DNAJC13: variants seen among roughly 807,000 people sequenced by gnomAD.
DNAJC13 encodes dnaJ homolog subfamily C member 13.
In DNAJC13, 75 loss-of-function variants were observed where a neutral mutation model predicts 290.5. The observed-to-expected ratio is 0.26, with a 90% CI of 0.21 to 0.31. The LOEUF (loss-of-function observed/expected upper bound fraction) is 0.31, where lower values mean the gene tolerates loss of function less well. DNAJC13 is among the 10% of genes least tolerant of loss of function. The pLI is 1.00. For synonymous variants in DNAJC13, 862 were observed against 892.0 expected (o/e 0.97, Z 0.60); for missense variants, 2,260 against 2,674.5 (o/e 0.85, Z 3.42).
intron 13 of DNAJC13, among the ~76,000 whole-genome samples, chr3:132,459,313 T>C (rs1406254106): frequency 6.6e-6 from 1 of 152,190 alleles, no homozygotes. Context: ...CTTGAGAACA[T>C]GATGCTAGTG....
Position 132,539,006 on chromosome 3 carries a change from AGGG to A in DNAJC13, c.*725_*727del, listed in dbSNP as rs1420496524. ...TGTGTACATAAAATTTTAAAAATAA[AGGG>A]AATTGACTGCTTTGTTAATGAGATA... On this transcript the variant is annotated 3_prime_UTR_variant, in exon 56 of 56. Transcript: ENST00000260818. 6.6e-6 allele frequency: 1 copy of A among 152,648 alleles called. No individual in the cohort carries two copies. Among genetic ancestry groups the A allele is most frequent in the African/African-American group, 2.4e-5 (1 of 41,474 alleles). 9.5% of individuals were successfully genotyped at this position (152,648 alleles called of 1,614,324 possible).
In DNAJC13 at chr3:132,502,619, C is replaced by T. The variant is rs1935455623; in HGVS notation, c.4716+151C>T. The T allele has an allele frequency of 7.6e-6, 5 of 659,962 alleles. No homozygotes were observed. In the South Asian group the frequency reaches 1.5e-4, roughly 19 times the overall value. 40.9% of individuals were successfully genotyped at this position (659,962 alleles called of 1,614,324 possible). ...TTTGCTTTTTAAACCTAATCACTTACTTACAAAACTTTTAGTTGTAATTGC... is the reference window on the plus strand; with the variant it reads ...TTTGCTTTTTAAACCTAATCACTTATTTACAAAACTTTTAGTTGTAATTGC... On this transcript the variant is annotated intron_variant, in intron 40 of 55. Transcript: ENST00000260818.
At chr3:132,470,516 G>C (rs1384025690) in intron 20 of DNAJC13, among the ~76,000 whole-genome samples, 56 of 125,666 alleles carry the variant, frequency 4.5e-4, no homozygotes, top group African/African-American at 9.6e-4. Flanking sequence ...CCTCCCAGAC[G>C]GGGTGGTGGC....
At chr3:132,463,873 C>G (rs898958599) in intron 17 of DNAJC13, 56 bp downstream of exon 17, 5 of 1,557,196 alleles carry the variant, frequency 3.2e-6, no homozygotes, top group African/African-American at 1.4e-5. Flanking sequence ...AGAATTGATT[C>G]AGATGTTACA....
At chr3:132,523,827 A>C (rs1256901001) in intron 51 of DNAJC13, 114 bp downstream of exon 51, 4 of 1,029,800 alleles carry the variant, frequency 3.9e-6, no homozygotes, top group Non-Finnish European at 5.5e-6. Flanking sequence ...CAGCTCTTTC[A>C]ATATAGCAGC....
intron 51 of DNAJC13, among the ~76,000 whole-genome samples, chr3:132,524,587 G>C (rs575816313): frequency 6.6e-6 from 1 of 152,350 alleles, no homozygotes; most frequent in East Asian, 1.9e-4. Flanking sequence ...ACTATCATTA[G>C]CTTAGTAAAA....
intron 32 of DNAJC13, 86 bp from the exon 33 acceptor site, chr3:132,492,328 G>C: frequency 7.5e-7 from 1 of 1,326,728 alleles, no homozygotes. Context: ...GATGATTCAT[G>C]TAACTATCTT....
At chr3:132,442,516 T>A (rs979247078) in intron 2 of DNAJC13, among the ~76,000 whole-genome samples, 6 of 152,234 alleles carry the variant, frequency 3.9e-5, no homozygotes, top group Non-Finnish European at 7.3e-5. Flanking sequence ...GTTCAGATGA[T>A]CTTATCTCCA....
intron 21 of DNAJC13, 66 bp downstream of exon 21, chr3:132,473,293 C>T (rs1934351707): frequency 4.7e-6 from 5 of 1,069,036 alleles, no homozygotes; most frequent in South Asian, 1.4e-5. Context: ...CATCATGACA[C>T]GTTCTTCTTC....
chr3:132,418,041 T>G (rs1938845585), intron 1 of DNAJC13, among the ~76,000 whole-genome samples: 1 of 152,108 alleles, frequency 6.6e-6, no homozygotes, highest in Non-Finnish European at 1.5e-5. Context: ...CCACTCGCCT[T>G]AACATATCCT....
At chr3:132,438,196 C>A (rs1380443293) in intron 2 of DNAJC13, among the ~76,000 whole-genome samples, 1 of 151,918 alleles carries the variant, frequency 6.6e-6, no homozygotes, top group Admixed American at 6.6e-5. Context: ...TTTAAAATTT[C>A]TTTCAACAGT....
At chr3:132,511,891 T>C (rs938686574) in intron 44 of DNAJC13, among the ~76,000 whole-genome samples, 2 of 152,146 alleles carry the variant, frequency 1.3e-5, no homozygotes, top group Non-Finnish European at 2.9e-5. Flanking sequence ...ACATTGAACA[T>C]TACCTTTCAA....
Position 132,538,396 on chromosome 3 carries a change from T to C in DNAJC13, c.*114T>C, listed in dbSNP as rs1936663415. Reference sequence around the variant, plus strand: ...TTCTCCTGGTTTCATGACAGTGTTATTCCTTTTTCTATAAATATATTTTTA... The same window carrying C: ...TTCTCCTGGTTTCATGACAGTGTTACTCCTTTTTCTATAAATATATTTTTA... On this transcript the variant is annotated 3_prime_UTR_variant, in exon 56 of 56. Coordinates refer to ENST00000260818, the MANE Select transcript of DNAJC13 (RefSeq NM_015268.4). The C allele has an allele frequency of 2.8e-6, 2 of 703,934 alleles. No homozygotes were observed. The highest frequency in any genetic ancestry group is 2.1e-5 in the South Asian group (1 of 46,596). The allele number at this position is 703,934 out of a possible 1,614,324, so 43.6% of individuals were successfully genotyped here.
At chr3:132,536,124 A>G (rs574351349) in intron 55 of DNAJC13, among the ~76,000 whole-genome samples, 83 of 152,314 alleles carry the variant, frequency 5.4e-4, no homozygotes, top group Non-Finnish European at 1.0e-3. Flanking sequence ...AGAAATACCT[A>G]ATAATTTAGT....
intron 20 of DNAJC13, among the ~76,000 whole-genome samples, chr3:132,468,023 T>G (rs1259134349): frequency 2.6e-5 from 4 of 152,232 alleles, no homozygotes; most frequent in African/African-American, 9.6e-5. Context: ...GACAAGTGTT[T>G]TGGAGATTAA....
At chr3:132,524,424 GACCTTGGGCAGT>G (rs1310168265) in intron 51 of DNAJC13, among the ~76,000 whole-genome samples, 1 of 152,182 alleles carries the variant, frequency 6.6e-6, no homozygotes, top group African/African-American at 2.4e-5. Context: ...CCAGGTCTGT[GACCTTGGGCAGT>G]ACCTCATGAC....
chr3:132,466,927 T>C (rs1028842788), intron 19 of DNAJC13, among the ~76,000 whole-genome samples: 1 of 152,346 alleles, frequency 6.6e-6, no homozygotes, highest in South Asian at 2.1e-4. Flanking sequence ...ACTCCTTCTC[T>C]GTCTGCACCC....
chr3:132,433,829 AC>A (rs2107648804), intron 1 of DNAJC13, among the ~76,000 whole-genome samples: 1 of 152,362 alleles, frequency 6.6e-6, no homozygotes, highest in South Asian at 2.1e-4. Context: ...CTCAAGAAAC[AC>A]AGTCCAGTGT....
intron 8 of DNAJC13, 146 bp from the exon 9 acceptor site, chr3:132,453,920 A>G (rs1264709459): frequency 1.0e-5 from 8 of 784,676 alleles, no homozygotes; most frequent in Non-Finnish European, 1.4e-5. Flanking sequence ...TGAAAATTTG[A>G]GATTTTAAAG....
Sources: allele counts gnomAD v4.1 joint callset (sites outside exome capture counted in the v4.1 genomes callset), GRCh38; gene constraint gnomAD v4.1.1; transcripts MANE v1.5; gene names NCBI Gene and HGNC (gene_info 2026-07-23, HGNC 2026-07-21).